The following NR6A1 variants were observed in gnomAD, a reference collection of about 807,000 sequenced individuals.
NR6A1 encodes retinoic acid receptor-related testis-associated receptor.
Under a neutral mutation model 59.1 loss-of-function variants are expected in NR6A1, and 7 were observed. The ratio of observed to expected loss-of-function variants is 0.12; its 90% CI spans 0.07 to 0.22. NR6A1 has a LOEUF of 0.22. Ranked by LOEUF, NR6A1 falls within the 10% of genes least tolerant of loss-of-function variation. NR6A1 has a pLI of 1.00. For synonymous variants in NR6A1, 243 were observed against 236.1 expected (o/e 1.03, Z -0.27); for missense variants, 468 against 611.6 (o/e 0.77, Z 2.48).
intron 1 of NR6A1, among the ~76,000 whole-genome samples, chr9:124,741,795 T>C (rs1164724272): frequency 2.0e-5 from 3 of 152,216 alleles, no homozygotes; most frequent in Non-Finnish European, 2.9e-5. Flanking sequence ...ACTAATTGTG[T>C]TAGCTTAGGA....
chr9:124,770,993 C>T (rs1841138788), intron 1 of NR6A1, 27 bp downstream of exon 1: 4 of 1,187,074 alleles, frequency 3.4e-6, no homozygotes, highest in Middle Eastern at 3.2e-4. Flanking sequence ...TCCTGCCTGG[C>T]CCGGGCGTCG....
intron 2 of NR6A1, among the ~76,000 whole-genome samples, chr9:124,687,114 T>C (rs1838358297): frequency 6.6e-6 from 1 of 151,904 alleles, no homozygotes. Context: ...ATCCTTTTTT[T>C]TTTTTCTTTC....
intron 1 of NR6A1, among the ~76,000 whole-genome samples, chr9:124,761,249 C>G (rs1461429799): frequency 1.3e-5 from 2 of 152,158 alleles, no homozygotes; most frequent in African/African-American, 4.8e-5. Context: ...AAAATGTTTT[C>G]AAAGGTACAT....
chr9:124,586,013 G>C lies in NR6A1; in HGVS notation c.143-31443C>G, dbSNP rs535927828. Among the ~76,000 whole-genome samples, 9 of 152,302 alleles carry C rather than the reference G, an allele frequency of 5.9e-5. No homozygotes were observed. In the South Asian group the frequency reaches 1.9e-3, roughly 32 times the overall value. Reference sequence around the variant, plus strand: ...ATACTGCTGATTGACAATGCATCTGGTCACCCAAGAGCTCTGATGGAGATG... The same window carrying C: ...ATACTGCTGATTGACAATGCATCTGCTCACCCAAGAGCTCTGATGGAGATG... On this transcript the variant is annotated intron_variant, in intron 2 of 9. Transcript: ENST00000487099.
chr9:124,693,566 T>C (rs1328629591), intron 2 of NR6A1: 1 of 372,602 alleles, frequency 2.7e-6, no homozygotes, highest in Non-Finnish European at 5.5e-6. Flanking sequence ...GTCAATGTTA[T>C]GGACACCTGT....
chr9:124,664,556 T>G (rs1219922047), intron 2 of NR6A1, among the ~76,000 whole-genome samples: 1 of 152,118 alleles, frequency 6.6e-6, no homozygotes, highest in Non-Finnish European at 1.5e-5. Context: ...CCACAAAATG[T>G]TTTACAGGAC....
chr9:124,555,954 A>AG (rs1833910977), intron 2 of NR6A1, among the ~76,000 whole-genome samples: 1 of 152,204 alleles, frequency 6.6e-6, no homozygotes, highest in South Asian at 2.1e-4. Flanking sequence ...ATGTTAGCAG[A>AG]GGGTCATGGT....
At chr9:124,761,030 T>C (rs1381815568) in intron 1 of NR6A1, among the ~76,000 whole-genome samples, 1 of 152,202 alleles carries the variant, frequency 6.6e-6, no homozygotes, top group East Asian at 1.9e-4. Context: ...AGAGGAAGTC[T>C]CCTGACAGGT....
In NR6A1 at chr9:124,585,976, A is replaced by C. The variant is rs117899993; in HGVS notation, c.143-31406T>G. Among the ~76,000 whole-genome samples, 1,348 of 152,320 alleles carry C rather than the reference A, an allele frequency of 8.8e-3. 31 individuals are homozygous for C. In the East Asian group the frequency reaches 0.12, roughly 13 times the overall value. On this transcript the variant is annotated intron_variant, in intron 2 of 9. Coordinates refer to ENST00000487099, the MANE Select transcript of NR6A1 (RefSeq NM_033334.4). ...TGAGACCTACTGCTCAGAAACAAAG[A>C]TAACTTTAAAAATACTGCTGATTGA... is the stretch of plus-strand genomic sequence containing the variant.
At chr9:124,670,322 T>G (rs548123454) in intron 2 of NR6A1, among the ~76,000 whole-genome samples, 1 of 151,234 alleles carries the variant, frequency 6.6e-6, no homozygotes, top group Non-Finnish European at 1.5e-5. Flanking sequence ...AGCCCAGGAG[T>G]TGGAGGCTGC....
Position 124,771,237 on chromosome 9 carries a change from G to A in NR6A1, c.-118C>T, listed in dbSNP as rs977994781. ...GTCAGGAGCCCGCGAGCTCCCGGCC[G>A]CGGCTCTCTCTGGGCCCCGAGCCGC... On this transcript the variant is annotated 5_prime_UTR_variant, in exon 1 of 10. Coordinates refer to ENST00000487099, the MANE Select transcript of NR6A1 (RefSeq NM_033334.4). 19 of 523,964 alleles carry A rather than the reference G, an allele frequency of 3.6e-5. No homozygotes were observed. The highest frequency in any genetic ancestry group is 4.4e-5 in the Non-Finnish European group (15 of 343,132). 32.5% of individuals were successfully genotyped at this position (523,964 alleles called of 1,614,324 possible).
intron 2 of NR6A1, among the ~76,000 whole-genome samples, chr9:124,654,913 C>CACACACACACACACACA (rs1837212409): frequency 1.4e-5 from 2 of 146,076 alleles, no homozygotes; most frequent in Non-Finnish European, 3.0e-5. Flanking sequence ...CACACACACA[C>CACACACACACACACACA]CTGCCAAACA....
intron 2 of NR6A1, among the ~76,000 whole-genome samples, chr9:124,620,108 TATATAA>T (rs751771245): frequency 2.0e-5 from 3 of 152,078 alleles, no homozygotes; most frequent in East Asian, 1.9e-4. Flanking sequence ...TTTATATACA[TATATAA>T]ATATAACTGA....
At chr9:124,653,551 C>T (rs1837163015) in intron 2 of NR6A1, among the ~76,000 whole-genome samples, 1 of 152,092 alleles carries the variant, frequency 6.6e-6, no homozygotes, top group Non-Finnish European at 1.5e-5. Flanking sequence ...ACTAGAACTA[C>T]AGGCACATAT....
chr9:124,540,003 T>TTTGCCTTAAA (rs772076033), intron 5 of NR6A1, 30 bp downstream of exon 5: 3 of 1,571,298 alleles, frequency 1.9e-6, no homozygotes, highest in South Asian at 1.2e-5. Context: ...GATCCCTAGA[T>TTTGCCTTAAA]GATGACCATG....
At chr9:124,566,116 A>G (rs1015172677) in intron 2 of NR6A1, among the ~76,000 whole-genome samples, 3 of 152,266 alleles carry the variant, frequency 2.0e-5, no homozygotes, top group Non-Finnish European at 4.4e-5. Context: ...ATACAACAGT[A>G]AACATATCTG....
At chr9:124,577,646 C>G (rs955407036) in intron 2 of NR6A1, among the ~76,000 whole-genome samples, 3 of 152,224 alleles carry the variant, frequency 2.0e-5, no homozygotes, top group Non-Finnish European at 2.9e-5. Context: ...ACAGCTGCCT[C>G]TGCATTTCAT....
At chr9:124,633,883 C>T (rs1836520342) in intron 2 of NR6A1, among the ~76,000 whole-genome samples, 1 of 152,200 alleles carries the variant, frequency 6.6e-6, no homozygotes, top group South Asian at 2.1e-4. Context: ...TTTTTAAACA[C>T]TTCCAGAATT....
At chr9:124,681,332 T>C (rs908506324) in intron 2 of NR6A1, among the ~76,000 whole-genome samples, 15 of 150,914 alleles carry the variant, frequency 9.9e-5, no homozygotes, top group Admixed American at 5.3e-4. Flanking sequence ...AATGATAACA[T>C]TTGAGCTTTT....
Sources: gnomAD v4.1 joint callset for allele counts (sites outside exome capture counted in the v4.1 genomes callset) on GRCh38, gnomAD v4.1.1 for gene constraint, MANE v1.5 for transcripts, NCBI Gene and HGNC (gene_info 2026-07-23, HGNC 2026-07-21) for gene names.